ZNF804B: variants seen among roughly 807,000 people sequenced by gnomAD.
ZNF804B encodes zinc finger 804B.
Under a neutral mutation model 101.4 loss-of-function variants are expected in ZNF804B, and 80 were observed. The ratio of observed to expected loss-of-function variants is 0.79; its 90% CI spans 0.66 to 0.95. The LOEUF (loss-of-function observed/expected upper bound fraction) is 0.95, where lower values mean the gene tolerates loss of function less well. Ranked by LOEUF, ZNF804B falls within the 40% of genes least tolerant of loss-of-function variation. The pLI is 0.00. For synonymous variants in ZNF804B, 622 were observed against 558.8 expected (o/e 1.11, Z -1.59); for missense variants, 1,673 against 1,561.9 (o/e 1.07, Z -1.20).
At chr7:88,964,832 GAA>G (rs1793432376) in intron 1 of ZNF804B, among the ~76,000 whole-genome samples, 1 of 151,356 alleles carries the variant, frequency 6.6e-6, no homozygotes. Flanking sequence ...CCTGAAATTT[GAA>G]GAGAGCAGAG....
chr7:89,242,661 T>G (rs898836404), intron 2 of ZNF804B, among the ~76,000 whole-genome samples: 2 of 151,796 alleles, frequency 1.3e-5, no homozygotes, highest in African/African-American at 2.4e-5. Context: ...TAATACAGTA[T>G]TAGGATTTGA....
At chr7:88,923,844 G>T (rs907266492) in intron 1 of ZNF804B, among the ~76,000 whole-genome samples, 3 of 152,016 alleles carry the variant, frequency 2.0e-5, no homozygotes, top group Non-Finnish European at 2.9e-5. Flanking sequence ...AGATAAGTTT[G>T]CTTTCTGTTT....
At chr7:88,965,789 T>C (rs539225894) in intron 1 of ZNF804B, among the ~76,000 whole-genome samples, 1 of 151,680 alleles carries the variant, frequency 6.6e-6, no homozygotes, top group Non-Finnish European at 1.5e-5. Context: ...TCTAATAGCA[T>C]ATCATTTATC....
At chr7:89,018,580 G>T (rs902703189) in intron 1 of ZNF804B, among the ~76,000 whole-genome samples, 1 of 151,966 alleles carries the variant, frequency 6.6e-6, no homozygotes, top group Non-Finnish European at 1.5e-5. Context: ...TTTTGGAATC[G>T]TTTGAGAAGA....
intron 1 of ZNF804B, among the ~76,000 whole-genome samples, chr7:88,928,276 G>C (rs1160731442): frequency 6.6e-6 from 1 of 152,126 alleles, no homozygotes; most frequent in Non-Finnish European, 1.5e-5. Context: ...AGAACTGCTT[G>C]TATCCTTGAC....
intron 2 of ZNF804B, among the ~76,000 whole-genome samples, chr7:89,274,027 A>G (rs1433513231): frequency 1.3e-5 from 2 of 151,986 alleles, no homozygotes; most frequent in African/African-American, 4.8e-5. Flanking sequence ...TAGACATACT[A>G]AAAATCCATT....
chr7:88,994,159 A>T (rs2116159051), intron 1 of ZNF804B, among the ~76,000 whole-genome samples: 1 of 152,032 alleles, frequency 6.6e-6, no homozygotes, highest in African/African-American at 2.4e-5. Context: ...TATCTGAGTG[A>T]TTTAATTCTT....
At chr7:89,075,011 C>T (rs1004713282) in intron 1 of ZNF804B, among the ~76,000 whole-genome samples, 3 of 152,030 alleles carry the variant, frequency 2.0e-5, no homozygotes, top group African/African-American at 4.8e-5. Context: ...GGGTATCTGG[C>T]AGAAAAAATT....
In ZNF804B at chr7:88,771,346, T is replaced by C. The variant is rs190714284; in HGVS notation, c.108+11262T>C. On this transcript the variant is annotated intron_variant, in intron 1 of 3. Coordinates refer to ENST00000333190, the MANE Select transcript of ZNF804B (RefSeq NM_181646.5). ...CATATAAATGGAAACTTATTTTTAA[T>C]TTTTGTATTAAAGAATAAAATAATA... Among the ~76,000 whole-genome samples, 293 of 152,224 alleles carry C rather than the reference T, an allele frequency of 1.9e-3. 1 individual carries two copies. The highest frequency in any genetic ancestry group is 6.8e-3 in the African/African-American group (282 of 41,574).
intron 1 of ZNF804B, among the ~76,000 whole-genome samples, chr7:89,187,532 G>T (rs1788392061): frequency 6.6e-6 from 1 of 152,144 alleles, no homozygotes. Context: ...CAAATTATTA[G>T]ATTAAAGAAA....
At chr7:89,035,888 CATT>C (rs1788918094) in intron 1 of ZNF804B, among the ~76,000 whole-genome samples, 1 of 143,266 alleles carries the variant, frequency 7.0e-6, no homozygotes, top group Non-Finnish European at 1.5e-5. Context: ...TATTCATATA[CATT>C]ATATTATTAT....
chr7:88,924,754 T>C (rs889600170), intron 1 of ZNF804B, among the ~76,000 whole-genome samples: 6 of 152,302 alleles, frequency 3.9e-5, no homozygotes, highest in African/African-American at 1.2e-4. Context: ...TTCTCATTAC[T>C]GTGTATTATG....
At chr7:88,834,841 A>G (rs1449092701) in intron 1 of ZNF804B, among the ~76,000 whole-genome samples, 1 of 151,800 alleles carries the variant, frequency 6.6e-6, no homozygotes, top group East Asian at 1.9e-4. Flanking sequence ...GGGAAAAAAT[A>G]AAAATAATAC....
intron 1 of ZNF804B, among the ~76,000 whole-genome samples, chr7:89,101,828 C>T (rs1790059919): frequency 1.3e-5 from 2 of 151,750 alleles, no homozygotes; most frequent in South Asian, 4.2e-4. Context: ...ATATTATACC[C>T]AATAGGTAAT....
At chr7:89,191,403 C>T (rs529147788) in intron 1 of ZNF804B, among the ~76,000 whole-genome samples, 8 of 151,978 alleles carry the variant, frequency 5.3e-5, no homozygotes, top group African/African-American at 1.9e-4. Flanking sequence ...GATAAGTGGC[C>T]ATAAGGTGCA....
chr7:88,997,659 A>T (rs1463303278), intron 1 of ZNF804B, among the ~76,000 whole-genome samples: 3 of 152,088 alleles, frequency 2.0e-5, no homozygotes, highest in African/African-American at 7.2e-5. Flanking sequence ...AACCTGAAGG[A>T]ATCATCTACC....
chr7:88,997,935 C>G (rs542411301), intron 1 of ZNF804B, among the ~76,000 whole-genome samples: 4 of 152,110 alleles, frequency 2.6e-5, no homozygotes, highest in Non-Finnish European at 5.9e-5. Flanking sequence ...TTGACATTCT[C>G]TTATGTTGTG....
intron 1 of ZNF804B, among the ~76,000 whole-genome samples, chr7:88,776,615 T>C (rs1021427444): frequency 1.3e-5 from 2 of 150,016 alleles, no homozygotes; most frequent in Non-Finnish European, 3.0e-5. Flanking sequence ...CCAGTTGTTT[T>C]CATGAACTTG....
chr7:89,208,491 C>T lies in ZNF804B; in HGVS notation c.109-9664C>T, dbSNP rs541361680. The stretch of plus-strand genomic sequence containing the variant: ...TAAGAAATCTGGAAATTATATCTTC[C>T]CTCTTTTTCCTTCCATTAGACAGAT... On this transcript the variant is annotated intron_variant, in intron 1 of 3. Coordinates refer to ENST00000333190, the MANE Select transcript of ZNF804B (RefSeq NM_181646.5). Among the ~76,000 whole-genome samples the T allele has an allele frequency of 2.6e-5, 4 of 152,268 alleles. No homozygotes were observed. In the South Asian group the frequency reaches 6.2e-4, roughly 24 times the overall value.
Sources: allele counts gnomAD v4.1 joint callset (sites outside exome capture counted in the v4.1 genomes callset), GRCh38; gene constraint gnomAD v4.1.1; transcripts MANE v1.5; gene names NCBI Gene and HGNC (gene_info 2026-07-23, HGNC 2026-07-21).